Variants in SHANK1 observed in about 807,000 individuals in gnomAD.
SHANK1 encodes the protein SH3 and multiple ankyrin repeat domains 1.
In SHANK1, 35 loss-of-function variants were observed where a neutral mutation model predicts 165.6. The ratio of observed to expected loss-of-function variants is 0.21; its 90% confidence interval spans 0.16 to 0.28. SHANK1 has a LOEUF of 0.28. Among genes scored for constraint, SHANK1 ranks in the 10% least tolerant of loss-of-function variants. The pLI, the probability that SHANK1 is intolerant of heterozygous loss-of-function variation, is 1.00. For missense variants in SHANK1, 2,681 were observed against 3,036.4 expected, an observed-to-expected ratio of 0.88 and a Z score of 2.75; for synonymous variants, 1,428 against 1,384.8, an observed-to-expected ratio of 1.03 and a Z score of -0.69.
chr19:50,685,465 T>A (rs1986302472), intron 21 of SHANK1, among the ~76,000 whole-genome samples: 1 of 152,230 alleles, frequency 6.6e-6, no homozygotes, highest in Non-Finnish European at 1.5e-5. Flanking sequence ...GGCTCACGCC[T>A]GTAATCCCGG....
intron 22 of SHANK1, among the ~76,000 whole-genome samples, chr19:50,671,601 G>A: frequency 6.6e-6 from 1 of 151,802 alleles, no homozygotes; most frequent in African/African-American, 2.4e-5. Flanking sequence ...GCCCATGAGG[G>A]CAGGAACCTT....
chr19:50,693,797 C>A (rs375564720), intron 15 of SHANK1, among the ~76,000 whole-genome samples: 41 of 152,250 alleles, frequency 2.7e-4, no homozygotes, highest in African/African-American at 9.6e-4. Flanking sequence ...GGGCTCAGCA[C>A]ACGTGCCCCA....
chr19:50,716,677 G>C lies in SHANK1; in HGVS notation c.243C>G (p.Asp81Glu). The C allele has an allele frequency of 6.3e-7, 1 of 1,579,392 alleles. No individual in the cohort carries two copies. Among genetic ancestry groups the C allele is most frequent in the Non-Finnish European group, 8.6e-7 (1 of 1,162,978 alleles). ...SMMVFRIGIP[D>E]LHQTKCLRFN... The stretch of plus-strand genomic sequence containing the variant: ...GGCAGGTACTCACTGTCTGGTGCAG[G>C]TCCGGGATGCCAATCCTGAAGACCA... The change falls in exon 2 of 24, where the codon GAC (aspartate) becomes GAG (glutamate). Residue 81 changes from aspartate (D) to glutamate (E), a missense_variant. Physicochemically the swap from Asp to Glu is conservative, Grantham distance 45 (BLOSUM62 2). Coordinates refer to ENST00000293441, the MANE Select transcript of SHANK1 (RefSeq NM_016148.5). This position sits in a 1 kb window ranked among gnomAD's most constrained non-coding sequence, Gnocchi z 8.4.
In SHANK1 at chr19:50,690,004, T is replaced by G. The variant is rs1457991964; in HGVS notation, c.1965-725A>C. On this transcript the variant is annotated intron_variant, in intron 15 of 23. Transcript: ENST00000293441. The surrounding 1 kb of genome is among the most constrained non-coding windows in gnomAD (Gnocchi z 4.9). ...AAATCAAATGGAAAAATTCAATTCC[T>G]CAGTCACAGTGGCCATATTTCCAAG... is the stretch of plus-strand genomic sequence containing the variant. Among the ~76,000 whole-genome samples, 2 of 152,176 alleles carry G rather than the reference T, an allele frequency of 1.3e-5. No individual in the cohort carries two copies. Among genetic ancestry groups the G allele is most frequent in the Non-Finnish European group, 2.9e-5 (2 of 68,022 alleles).
chr19:50,680,539 G>A (rs766935243), intron 21 of SHANK1, among the ~76,000 whole-genome samples: 11 of 152,158 alleles, frequency 7.2e-5, no homozygotes, highest in Non-Finnish European at 1.5e-4. Flanking sequence ...CCTGACCTAG[G>A]GTGGATCTGC....
chr19:50,673,275 C>G (rs1985863754), intron 21 of SHANK1, among the ~76,000 whole-genome samples: 1 of 152,052 alleles, frequency 6.6e-6, no homozygotes, highest in Non-Finnish European at 1.5e-5. Flanking sequence ...ACAGGAATCC[C>G]CACCTCCGGC....
intron 4 of SHANK1, 29 bp from the exon 5 acceptor site, chr19:50,714,319 AG>A: frequency 1.3e-6 from 2 of 1,597,090 alleles, no homozygotes; most frequent in Non-Finnish European, 1.7e-6. Flanking sequence ...GAGAGAAGAC[AG>A]GACAGTCAGG....
chr19:50,716,839 G>C lies in SHANK1; in HGVS notation c.81C>G (p.Asp27Glu), dbSNP rs779220124. 1 of 1,555,052 alleles carries C rather than the reference G, an allele frequency of 6.4e-7. No individual in the cohort carries two copies. Among genetic ancestry groups the C allele is most frequent in the Non-Finnish European group, 8.7e-7 (1 of 1,154,932 alleles). The change falls in exon 2 of 24, where the codon GAC becomes GAG. Residue 27 changes from aspartate (D) to glutamate (E), a missense_variant. Asp to Glu is a conservative substitution (Grantham distance 45). Transcript: ENST00000293441. The surrounding 1 kb of genome is among the most constrained non-coding windows in gnomAD (Gnocchi z 8.4). ...SECPEGGSES[D>E]SSPDGPGRGP... The stretch of plus-strand genomic sequence containing the variant: ...CTCGACCTGGCCCGTCTGGGGAGCT[G>C]TCGGACTCTGAGCCCCCCTCGGGAC...
Position 50,668,034 on chromosome 19 carries a change from C to T in SHANK1, c.3926G>A (p.Gly1309Asp). The T allele has an allele frequency of 1.4e-6, 2 of 1,476,870 alleles. No individual in the cohort carries two copies. The highest frequency in any genetic ancestry group is 1.8e-6 in the Non-Finnish European group (2 of 1,119,362). 91.5% of individuals were successfully genotyped at this position (1,476,870 alleles called of 1,614,324 possible). The change falls in exon 23 of 24, where the codon GGC becomes GAC. Residue 1309 changes from glycine to aspartate, a missense_variant. Around this residue, in one of 10 missense-constraint regions of SHANK1, gnomAD observed 1,713 missense variants for 1,630.2 expected, o/e 1.05. Transcript: ENST00000293441. ...GCTACCGGCCCCGTAGCCGCCGTAG[C>T]CCGCGCCGCTGCCCGCAGACTCCAG... ...LRLESAGSGA[G>D]YGGYGAGSRA...
At position 50,668,961 on chromosome 19, in the gene SHANK1, G is replaced by T. The variant is rs1985686396; in HGVS notation, c.2999C>A (p.Pro1000Gln). 5 of 576,984 alleles carry T rather than the reference G, an allele frequency of 8.7e-6. No individual in the cohort carries two copies. The South Asian group carries it at 1.1e-4, about 13-fold the overall frequency. The allele number at this position is 576,984 out of a possible 1,614,324, so 35.7% of individuals were successfully genotyped here. ...SGPLPPAHHH[P>Q]PHHHHHHAPP... ...GGCGTGGTGGTGGTGGTGGTGGGGCGGGTGGTGGTGGGCCGGGGGCAGGGG... is the reference window on the plus strand; with the variant it reads ...GGCGTGGTGGTGGTGGTGGTGGGGCTGGTGGTGGTGGGCCGGGGGCAGGGG... Residue 1000 changes from proline (P) to glutamine (Q), a missense_variant, in exon 23 of 24, where the codon CCG (proline) becomes CAG (glutamine). Physicochemically the swap from Pro to Gln is moderately conservative, Grantham distance 76. Transcript: ENST00000293441.
chr19:50,666,072 G>T, intron 23 of SHANK1, 120 bp downstream of exon 23: 2 of 885,496 alleles, frequency 2.3e-6, no homozygotes, highest in Non-Finnish European at 3.3e-6. Flanking sequence ...ATGCTTCTGT[G>T]ACAGCAAACT....
Position 50,660,462 on chromosome 19 carries a change from G to C in SHANK1, c.*1503C>G, listed in dbSNP as rs1012522674. Among the ~76,000 whole-genome samples, 29 of 152,064 alleles carry C rather than the reference G, an allele frequency of 1.9e-4. No homozygotes were observed. Among genetic ancestry groups the C allele is most frequent in the Non-Finnish European group, 7.3e-5 (5 of 68,030 alleles). ...GGTCTTCTCTCACCAGGAAGAGAAA[G>C]AGCTTAAGGAGGTAAGAGAATCCGA... On this transcript the variant is annotated 3_prime_UTR_variant, in exon 24 of 24. Transcript: ENST00000293441.
chr19:50,702,763 GGA>G lies in SHANK1; in HGVS notation c.1554-105_1554-104del. The G allele has an allele frequency of 4.1e-6, 3 of 729,366 alleles. No homozygotes were observed. Among genetic ancestry groups the G allele is most frequent in the Non-Finnish European group, 4.4e-6 (2 of 457,034 alleles). The allele number at this position is 729,366 out of a possible 1,614,324, so 45.2% of individuals were successfully genotyped here. The stretch of plus-strand genomic sequence containing the variant: ...GGGGAAGAGGACGGTGCATCAGGGG[GGA>G]GGGGGGGTTTCCCAGCACTGGCGTC... On this transcript the variant is annotated intron_variant, in intron 11 of 23. Coordinates refer to ENST00000293441, the MANE Select transcript of SHANK1 (RefSeq NM_016148.5). This position sits in a 1 kb window ranked among gnomAD's most constrained non-coding sequence, Gnocchi z 5.3.
intron 19 of SHANK1, among the ~76,000 whole-genome samples, chr19:50,687,337 G>GGTACATACAGACCCTGAGAGA (rs1213082292): frequency 6.6e-6 from 1 of 151,932 alleles, no homozygotes; most frequent in African/African-American, 2.4e-5. Context: ...CCGCAGAGAG[G>GGTACATACAGACCCTGAGAGA]GTACATACAG....
intron 21 of SHANK1, among the ~76,000 whole-genome samples, chr19:50,681,798 G>A (rs1314883257): frequency 6.6e-6 from 1 of 152,124 alleles, no homozygotes; most frequent in Non-Finnish European, 1.5e-5. Flanking sequence ...ATTGAGACAG[G>A]TCTCATTCTG....
At chr19:50,692,999 C>T (rs768392660) in intron 15 of SHANK1, among the ~76,000 whole-genome samples, 10 of 151,514 alleles carry the variant, frequency 6.6e-5, no homozygotes, top group Non-Finnish European at 1.0e-4. Flanking sequence ...CCCTCCTGCA[C>T]CTCCGTAAGT....
At chr19:50,691,240 C>T (rs1986529327) in intron 15 of SHANK1, among the ~76,000 whole-genome samples, 1 of 152,122 alleles carries the variant, frequency 6.6e-6, no homozygotes, top group African/African-American at 2.4e-5. Context: ...GACGGGGAAA[C>T]TGGACACAGA....
chr19:50,687,158 C>G, intron 19 of SHANK1: 1 of 552,478 alleles, frequency 1.8e-6, no homozygotes. Flanking sequence ...GGTCAGCTGT[C>G]CGACCAGCCC....
intron 21 of SHANK1, among the ~76,000 whole-genome samples, chr19:50,676,297 T>C (rs929094128): frequency 2.4e-4 from 37 of 152,248 alleles, no homozygotes; most frequent in African/African-American, 8.9e-4. Context: ...AACAAGACCT[T>C]GTCTCAAAAT....
Sources: allele counts gnomAD v4.1 joint callset (sites outside exome capture counted in the v4.1 genomes callset), GRCh38; gene constraint gnomAD v4.1.1; regional missense constraint gnomAD v4.1.1; non-coding constraint Gnocchi (gnomAD v3.1); transcripts MANE v1.5; gene names NCBI Gene and HGNC (gene_info 2026-07-23, HGNC 2026-07-21).